Variants in UBR3 observed in about 807,000 individuals in gnomAD.
UBR3 encodes the protein E3 ubiquitin-protein ligase UBR3.
In UBR3, 85 loss-of-function variants were observed where a neutral mutation model predicts 243.2. The ratio of observed to expected loss-of-function variants is 0.35; its 90% CI spans 0.29 to 0.42. The LOEUF (loss-of-function observed/expected upper bound fraction) is 0.42. UBR3 is among the 10% of genes least tolerant of loss of function. The pLI is 1.00. For synonymous variants in UBR3, 748 were observed against 799.8 expected (o/e 0.94, Z 1.09); for missense variants, 1,686 against 2,300.8 (o/e 0.73, Z 5.47).
At position 169,958,476 on chromosome 2, in the gene UBR3, C is replaced by G; in HGVS notation, c.3584C>G (p.Ala1195Gly). Reference protein sequence around the residue: ...KARERQQKLLAEFASRQKSFM... With the variant: ...KARERQQKLLGEFASRQKSFM... ...AGAGAGAGGCAGCAGAAATTGCTTG[C>G]GGAGTTTGCTTCACGACAGAAAAGC... The change falls in exon 24 of 39, where the codon GCG becomes GGG. Residue 1195 changes from alanine (A) to glycine (G), a missense_variant. By Grantham distance (60) the Ala-to-Gly change is moderately conservative. Transcript: ENST00000272793. The G allele has an allele frequency of 6.2e-7, 1 of 1,612,974 alleles. No individual in the cohort carries two copies. The highest frequency in any genetic ancestry group is 8.5e-7 in the Non-Finnish European group (1 of 1,179,308).
intron 35 of UBR3, among the ~76,000 whole-genome samples, chr2:170,067,025 T>G (rs555235944): frequency 1.4e-4 from 18 of 125,978 alleles, no homozygotes; most frequent in Non-Finnish European, 2.6e-4. Context: ...GTAGCTATTA[T>G]CCTCATTTTC....
intron 19 of UBR3, among the ~76,000 whole-genome samples, chr2:169,940,439 A>G (rs2086536695): frequency 6.6e-6 from 1 of 152,112 alleles, no homozygotes; most frequent in Admixed American, 6.5e-5. Flanking sequence ...GTTGGTTTCT[A>G]GTTTTATTTG....
At chr2:170,065,695 G>A (rs1005849823) in intron 35 of UBR3, among the ~76,000 whole-genome samples, 1 of 151,986 alleles carries the variant, frequency 6.6e-6, no homozygotes, top group South Asian at 2.1e-4. Flanking sequence ...TACATTATCT[G>A]ATTAATTTTT....
intron 25 of UBR3, among the ~76,000 whole-genome samples, chr2:169,989,321 T>C (rs1437530930): frequency 6.6e-6 from 1 of 152,212 alleles, no homozygotes; most frequent in Non-Finnish European, 1.5e-5. Flanking sequence ...TATTTATAGT[T>C]GCAGTATTCC....
intron 1 of UBR3, among the ~76,000 whole-genome samples, chr2:169,831,075 C>T (rs1346006953): frequency 2.8e-5 from 4 of 140,534 alleles, no homozygotes; most frequent in African/African-American, 5.3e-5. Context: ...GTATTATTTT[C>T]CCAGTCTGGC....
At chr2:169,983,919 G>A (rs2105386226) in intron 24 of UBR3, among the ~76,000 whole-genome samples, 1 of 152,248 alleles carries the variant, frequency 6.6e-6, no homozygotes, top group Non-Finnish European at 1.5e-5. Flanking sequence ...CTTTGAATTT[G>A]AATTGAACTG....
chr2:169,845,505 TCG>T (rs2082438899), intron 1 of UBR3, among the ~76,000 whole-genome samples: 3 of 26,830 alleles, frequency 1.1e-4, no homozygotes, highest in African/African-American at 1.6e-4. Context: ...GTCGTCATCG[TCG>T]TCGTCGTCGT....
chr2:170,059,732 G>A (rs916728665), intron 33 of UBR3, among the ~76,000 whole-genome samples: 1 of 151,456 alleles, frequency 6.6e-6, no homozygotes, highest in African/African-American at 2.4e-5. Context: ...TTTAGAATCA[G>A]GACATAATAC....
intron 19 of UBR3, among the ~76,000 whole-genome samples, chr2:169,933,225 C>G (rs144180895): frequency 1.1e-4 from 16 of 152,178 alleles, no homozygotes; most frequent in Non-Finnish European, 2.4e-4. Context: ...AGAACATGAT[C>G]ACTAAATTAA....
chr2:170,070,859 T>C (rs1374005942), intron 35 of UBR3, among the ~76,000 whole-genome samples: 3 of 152,186 alleles, frequency 2.0e-5, no homozygotes, highest in Non-Finnish European at 2.9e-5. Context: ...ACCTAAAATT[T>C]TTTTCTAGCT....
At chr2:169,872,535 T>C (rs907637555) in intron 2 of UBR3, among the ~76,000 whole-genome samples, 160 bp downstream of exon 2, 2 of 152,144 alleles carry the variant, frequency 1.3e-5, no homozygotes, top group Non-Finnish European at 2.9e-5. Flanking sequence ...ACACTAAAAA[T>C]TAATTATATA....
At chr2:169,841,243 G>A (rs2082277739) in intron 1 of UBR3, among the ~76,000 whole-genome samples, 1 of 152,016 alleles carries the variant, frequency 6.6e-6, no homozygotes, top group Non-Finnish European at 1.5e-5. Flanking sequence ...TTTACTATAA[G>A]CAGCCAAGAG....
At chr2:170,069,153 T>C (rs187276074) in intron 35 of UBR3, among the ~76,000 whole-genome samples, 14 of 152,254 alleles carry the variant, frequency 9.2e-5, no homozygotes, top group Admixed American at 8.5e-4. Context: ...ATCCTGATAG[T>C]TGAATGAGGC....
At chr2:169,907,702 T>C (rs1030247843) in intron 10 of UBR3, among the ~76,000 whole-genome samples, 8 of 152,176 alleles carry the variant, frequency 5.3e-5, no homozygotes, top group African/African-American at 1.7e-4. Context: ...GTTTTTCCTA[T>C]AGAGACATTT....
intron 23 of UBR3, 21 bp from the exon 24 acceptor site, chr2:169,958,417 C>G: frequency 6.2e-7 from 1 of 1,609,734 alleles, no homozygotes. Flanking sequence ...ATACTTAAAA[C>G]TTTATTTCTG....
chr2:170,009,359 G>T (rs2090017238), intron 29 of UBR3, among the ~76,000 whole-genome samples: 2 of 152,096 alleles, frequency 1.3e-5, no homozygotes, highest in South Asian at 4.1e-4. Context: ...AAACCGAAAA[G>T]ATCTAGTGAT....
intron 1 of UBR3, among the ~76,000 whole-genome samples, chr2:169,857,520 G>A (rs113665806): frequency 5.3e-5 from 8 of 151,462 alleles, no homozygotes; most frequent in African/African-American, 9.7e-5. Context: ...AAGTTCAAGC[G>A]TTCCTCCTGC....
intron 1 of UBR3, among the ~76,000 whole-genome samples, chr2:169,834,169 T>C (rs183950934): frequency 6.6e-6 from 1 of 152,372 alleles, no homozygotes; most frequent in Admixed American, 6.5e-5. Context: ...GGTTGAATAG[T>C]GTTACTCTCT....
chr2:170,006,780 G>A (rs1184322274), intron 27 of UBR3, among the ~76,000 whole-genome samples: 1 of 152,170 alleles, frequency 6.6e-6, no homozygotes, highest in Non-Finnish European at 1.5e-5. Flanking sequence ...CAGTGTATTG[G>A]TGAGGGCAAG....
Sources: allele counts gnomAD v4.1 joint callset (sites outside exome capture counted in the v4.1 genomes callset), GRCh38; gene constraint gnomAD v4.1.1; transcripts MANE v1.5; gene names NCBI Gene and HGNC (gene_info 2026-07-23, HGNC 2026-07-21).